IKZF1: variants seen among roughly 807,000 people sequenced by gnomAD.
IKZF1 encodes IKAROS family zinc finger 1.
IKZF1 carries 10 observed loss-of-function variants against 51.7 expected under a neutral mutation model. The observed-to-expected ratio is 0.19, with a 90% CI of 0.12 to 0.33. The LOEUF is 0.33. Ranked by LOEUF, IKZF1 falls within the 10% of genes least tolerant of loss-of-function variation. IKZF1 has a pLI of 1.00. For missense variants in IKZF1, 484 were observed against 707.5 expected (o/e 0.68, Z 3.58); for synonymous variants, 280 against 282.3 (o/e 0.99, Z 0.08).
intron 3 of IKZF1, among the ~76,000 whole-genome samples, chr7:50,370,979 G>C (rs972091143): frequency 6.6e-6 from 1 of 152,176 alleles, no homozygotes; most frequent in Non-Finnish European, 1.5e-5. Flanking sequence ...ACTCACAGAA[G>C]GGCACGGCCA....
At chr7:50,348,887 G>A (rs1801087764) in intron 3 of IKZF1, among the ~76,000 whole-genome samples, 1 of 152,162 alleles carries the variant, frequency 6.6e-6, no homozygotes, top group Non-Finnish European at 1.5e-5. Flanking sequence ...ATGTTATTTG[G>A]TCCTTGTCAT....
At chr7:50,356,996 C>A (rs972514662) in intron 3 of IKZF1, among the ~76,000 whole-genome samples, 2 of 151,856 alleles carry the variant, frequency 1.3e-5, no homozygotes, top group African/African-American at 4.8e-5. Flanking sequence ...CCTAGAGTAA[C>A]CGAGAGCAGG....
chr7:50,311,819 G>A (rs140383301), intron 1 of IKZF1, among the ~76,000 whole-genome samples: 7 of 152,200 alleles, frequency 4.6e-5, no homozygotes, highest in African/African-American at 1.7e-4. Context: ...GACACCATAT[G>A]GCCTTGCTGA....
intron 3 of IKZF1, among the ~76,000 whole-genome samples, chr7:50,354,034 C>T (rs977078802): frequency 1.2e-4 from 18 of 152,210 alleles, no homozygotes; most frequent in South Asian, 2.1e-4. Context: ...TCCTGGAGGG[C>T]GCTGATTTGT....
rs533444221 is a variant in IKZF1 at position 50,359,201 on chromosome 7, C to T, written c.161-17332C>T. Among the ~76,000 whole-genome samples, 6 of 152,286 alleles carry T rather than the reference C, an allele frequency of 3.9e-5. No individual in the cohort carries two copies. In the East Asian group the frequency reaches 1.2e-3, roughly 29 times the overall value. ...GCTTGAGCCCAAGAGGTCAAGACTG[C>T]AGTGAGCTGTGATCGAGCCACTGCA... On this transcript the variant is annotated intron_variant, in intron 3 of 7. Transcript: ENST00000331340.
Position 50,391,841 on chromosome 7 carries a change from C to T in IKZF1, c.828C>T (p.Ser276=), listed in dbSNP as rs1219176991. 6.2e-7 allele frequency: 1 copy of T among 1,613,212 alleles called. No homozygotes were observed. Among genetic ancestry groups the T allele is most frequent in the Non-Finnish European group, 8.5e-7 (1 of 1,179,658 alleles). The change falls in exon 7 of 8, where the codon AGC becomes AGT. Residue 276 remains serine (S), a synonymous_variant. Transcript: ENST00000331340. ...CAAGTAACGTCGCCAAACGTAAGAG[C>T]TCTATGCCTCAGAAATTTCTTGGTA... ...RLASNVAKRK[S]SMPQKFLGDK...
At chr7:50,354,691 G>C (rs1324431196) in intron 3 of IKZF1, among the ~76,000 whole-genome samples, 1 of 152,020 alleles carries the variant, frequency 6.6e-6, no homozygotes, top group African/African-American at 2.4e-5. Context: ...TAGCATTTCT[G>C]CTTGTCTTTT....
At position 50,306,517 on chromosome 7, in the gene IKZF1, ATCATAG is replaced by A. The variant is rs1788828474; in HGVS notation, c.-15+1596_-15+1601del. On this transcript the variant is annotated intron_variant, in intron 1 of 7. Coordinates refer to ENST00000331340, the MANE Select transcript of IKZF1 (RefSeq NM_006060.6). ...CTACACACCCCCCTAATGCAGAAAC[ATCATAG>A]CAATAATCACCCACCCTCAGGGTCT... 5.9e-5 allele frequency among the ~76,000 whole-genome samples: 9 copies of A among 152,328 alleles called. No individual in the cohort carries two copies. The South Asian group carries it at 1.9e-3, about 32-fold the overall frequency.
At chr7:50,334,668 A>T (rs1162608524) in intron 3 of IKZF1, among the ~76,000 whole-genome samples, 1 of 148,200 alleles carries the variant, frequency 6.7e-6, no homozygotes. Context: ...TAGTGTGTAT[A>T]TGTGTGTGAG....
At chr7:50,374,103 C>T (rs1045410588) in intron 3 of IKZF1, among the ~76,000 whole-genome samples, 1 of 152,190 alleles carries the variant, frequency 6.6e-6, no homozygotes, top group Admixed American at 6.5e-5. Context: ...TCTCCAAGTC[C>T]ACCATGTCCC....
At chr7:50,386,649 A>G (rs1179226037) in intron 5 of IKZF1, among the ~76,000 whole-genome samples, 5 of 152,168 alleles carry the variant, frequency 3.3e-5, no homozygotes, top group Middle Eastern at 3.4e-3. Context: ...ATAAATATAC[A>G]TATACATAAA....
intron 3 of IKZF1, among the ~76,000 whole-genome samples, chr7:50,330,097 C>G (rs1224279537): frequency 2.0e-5 from 3 of 152,264 alleles, no homozygotes; most frequent in South Asian, 4.2e-4. Flanking sequence ...AAGTCCTGCC[C>G]TCGGTCCCAG....
intron 7 of IKZF1, among the ~76,000 whole-genome samples, chr7:50,394,890 G>T (rs1816262023): frequency 6.6e-6 from 1 of 152,220 alleles, no homozygotes; most frequent in East Asian, 1.9e-4. Context: ...ATTAGAAAAG[G>T]GCTTGTATTA....
rs1470297332 is a variant in IKZF1, at chr7:50,382,658, C to T, written c.540C>T (p.Tyr180=). The T allele has an allele frequency of 1.9e-5, 30 of 1,612,214 alleles. No individual in the cohort carries two copies. The Middle Eastern group carries it at 4.9e-4, about 26-fold the overall frequency. ...EKPFKCHLCN[Y]ACRRRDALTG... is the part of the protein sequence containing the mutation. ...CCTTCAAATGCCACCTCTGCAACTA[C>T]GCCTGCCGCCGGAGGGACGCCCTCA... The change falls in exon 5 of 8, where the codon TAC becomes TAT. Residue 180 remains tyrosine (Y), a synonymous_variant. Transcript: ENST00000331340.
intron 3 of IKZF1, among the ~76,000 whole-genome samples, chr7:50,340,517 A>G (rs1182029732): frequency 6.6e-6 from 1 of 152,220 alleles, no homozygotes; most frequent in Non-Finnish European, 1.5e-5. Context: ...TCTCTTTTTC[A>G]GAGTGAAGGA....
At position 50,403,452 on chromosome 7, in the gene IKZF1, C is replaced by T. The variant is rs1239385566; in HGVS notation, c.*2825C>T. On this transcript the variant is annotated 3_prime_UTR_variant, in exon 8 of 8. Transcript: ENST00000331340. ...TGTGTTTGAAGTAAATATTGGAGAC[C>T]GGAGGGTAACAGGTTGGCCTGTTGA... is the stretch of plus-strand genomic sequence containing the variant. 4.0e-5 allele frequency: 9 copies of T among 226,104 alleles called. No individual in the cohort carries two copies. The highest frequency in any genetic ancestry group is 6.2e-5 in the Non-Finnish European group (7 of 113,670). 14.0% of individuals were successfully genotyped at this position (226,104 alleles called of 1,614,324 possible). A position where few individuals can be genotyped will look rare whatever the true frequency, so the allele number is the denominator to read the frequency against.
chr7:50,319,143 A>G, intron 2 of IKZF1, 42 bp downstream of exon 2: 1 of 1,588,152 alleles, frequency 6.3e-7, no homozygotes, highest in Non-Finnish European at 8.6e-7. Flanking sequence ...TTCATGAGAA[A>G]AGCTTCCCTG....
intron 7 of IKZF1, among the ~76,000 whole-genome samples, chr7:50,397,932 A>G (rs946746717): frequency 5.3e-5 from 8 of 152,230 alleles, no homozygotes; most frequent in African/African-American, 1.9e-4. Flanking sequence ...AAACCAGGCT[A>G]TTATATGATA....
At chr7:50,332,131 A>T (rs1341167771) in intron 3 of IKZF1, among the ~76,000 whole-genome samples, 1 of 152,226 alleles carries the variant, frequency 6.6e-6, no homozygotes, top group East Asian at 1.9e-4. Context: ...GAAGTAAAAA[A>T]ATGAATTGAG....
Sources: allele counts gnomAD v4.1 joint callset (sites outside exome capture counted in the v4.1 genomes callset), GRCh38; gene constraint gnomAD v4.1.1; transcripts MANE v1.5; gene names NCBI Gene and HGNC (gene_info 2026-07-23, HGNC 2026-07-21).